ENOX1: variants seen among roughly 807,000 people sequenced by gnomAD.
The protein encoded by ENOX1 is ecto-NOX disulfide-thiol exchanger 1, also known as candidate growth-related and time keeping constitutive hydroquinone (NADH) oxidase.
ENOX1 carries 42 observed loss-of-function variants against 82.5 expected under a neutral mutation model. The ratio of observed to expected loss-of-function variants is 0.51; its 90% CI spans 0.40 to 0.66. The LOEUF is 0.66. ENOX1 is among the 30% of genes least tolerant of loss of function. The pLI, the probability that ENOX1 is intolerant of heterozygous loss-of-function variation, is 0.00. For missense variants in ENOX1, 608 were observed against 811.6 expected (o/e 0.75, Z 3.05); for synonymous variants, 271 against 282.2 (o/e 0.96, Z 0.40).
chr13:43,730,269 C>T (rs1281934616), intron 1 of ENOX1, among the ~76,000 whole-genome samples: 3 of 152,186 alleles, frequency 2.0e-5, no homozygotes, highest in African/African-American at 7.2e-5. Context: ...CACACCAGAG[C>T]ACTATTTATG....
intron 2 of ENOX1, among the ~76,000 whole-genome samples, chr13:43,521,708 T>C (rs2077777142): frequency 6.6e-6 from 1 of 152,112 alleles, no homozygotes. Context: ...CTACTGAAAA[T>C]ATAAATGTTC....
At chr13:43,271,099 AT>A (rs1304401129) in intron 12 of ENOX1, among the ~76,000 whole-genome samples, 1 of 152,206 alleles carries the variant, frequency 6.6e-6, no homozygotes, top group African/African-American at 2.4e-5. Flanking sequence ...TCATGAGACG[AT>A]TTCAAATCCA....
At chr13:43,452,344 T>G (rs1456394939) in intron 3 of ENOX1, among the ~76,000 whole-genome samples, 2 of 152,150 alleles carry the variant, frequency 1.3e-5, no homozygotes, top group African/African-American at 4.8e-5. Flanking sequence ...ATTGTTCAAC[T>G]CCCACTTATG....
intron 3 of ENOX1, among the ~76,000 whole-genome samples, chr13:43,462,596 T>C (rs1201288764): frequency 6.6e-6 from 1 of 152,238 alleles, no homozygotes; most frequent in African/African-American, 2.4e-5. Flanking sequence ...TAATTCTGAG[T>C]AGTTATTACT....
At chr13:43,708,817 T>G (rs573738707) in intron 1 of ENOX1, among the ~76,000 whole-genome samples, 2 of 152,088 alleles carry the variant, frequency 1.3e-5, no homozygotes, top group Non-Finnish European at 2.9e-5. Flanking sequence ...TTTATGACAT[T>G]AGGATGGTAA....
intron 3 of ENOX1, among the ~76,000 whole-genome samples, chr13:43,457,594 A>AAATAACTAT (rs2153635367): frequency 6.6e-6 from 1 of 152,346 alleles, no homozygotes; most frequent in Admixed American, 6.5e-5. Flanking sequence ...AGACTGGCCC[A>AAATAACTAT]ACTAAATAAC....
At chr13:43,593,598 C>T (rs1227096358) in intron 2 of ENOX1, among the ~76,000 whole-genome samples, 1 of 151,472 alleles carries the variant, frequency 6.6e-6, no homozygotes, top group Non-Finnish European at 1.5e-5. Context: ...AACAAGGGCG[C>T]CCTCACCCCT....
intron 12 of ENOX1, among the ~76,000 whole-genome samples, chr13:43,277,613 A>G (rs1405324192): frequency 6.6e-6 from 1 of 152,220 alleles, no homozygotes; most frequent in East Asian, 1.9e-4. Flanking sequence ...GAGCTGAAGG[A>G]TGCACACTGT....
chr13:43,518,465 C>G (rs1386994139), intron 2 of ENOX1, among the ~76,000 whole-genome samples: 1 of 151,904 alleles, frequency 6.6e-6, no homozygotes, highest in East Asian at 1.9e-4. Context: ...GCATCAAGAG[C>G]TCAGGGGAGG....
intron 14 of ENOX1, among the ~76,000 whole-genome samples, chr13:43,241,393 T>C (rs2042824101): frequency 6.6e-6 from 1 of 151,904 alleles, no homozygotes; most frequent in Non-Finnish European, 1.5e-5. Context: ...AAAGTAGAAG[T>C]GAGTGAGTGG....
intron 1 of ENOX1, among the ~76,000 whole-genome samples, chr13:43,752,267 T>A (rs1950364255): frequency 6.6e-6 from 1 of 152,184 alleles, no homozygotes; most frequent in Non-Finnish European, 1.5e-5. Flanking sequence ...AATTTATATA[T>A]TTTGAGTATT....
At position 43,764,530 on chromosome 13, in the gene ENOX1, G is replaced by A. The variant is rs554722429; in HGVS notation, c.-285+22122C>T. Among the ~76,000 whole-genome samples, 5 of 152,220 alleles carry A rather than the reference G, an allele frequency of 3.3e-5. No homozygotes were observed. The South Asian group carries it at 1.0e-3, about 32-fold the overall frequency. ...AGCAACATTTACTGTGAAATGTAAA[G>A]GCAGATAACAGCTGATTTGAAAGGG... On this transcript the variant is annotated intron_variant, in intron 1 of 16. Coordinates refer to ENST00000690772, the MANE Select transcript of ENOX1 (RefSeq NM_001347969.2).
intron 5 of ENOX1, among the ~76,000 whole-genome samples, chr13:43,409,753 TA>T (rs1166578785): frequency 1.3e-5 from 2 of 152,142 alleles, no homozygotes; most frequent in Non-Finnish European, 2.9e-5. Context: ...GATAAGATGT[TA>T]AAAATGCATA....
intron 1 of ENOX1, among the ~76,000 whole-genome samples, chr13:43,773,766 T>G (rs1421711195): frequency 6.6e-6 from 1 of 152,232 alleles, no homozygotes; most frequent in Non-Finnish European, 1.5e-5. Context: ...ATCTGTTTGA[T>G]GTATTTTCCA....
chr13:43,492,118 G>A (rs547180823), intron 2 of ENOX1, among the ~76,000 whole-genome samples: 3 of 152,280 alleles, frequency 2.0e-5, no homozygotes, highest in South Asian at 2.1e-4. Context: ...ACCCTATGGC[G>A]AGGCCCATTT....
chr13:43,246,983 T>G (rs1034259290), intron 14 of ENOX1, among the ~76,000 whole-genome samples: 13 of 152,190 alleles, frequency 8.5e-5, no homozygotes, highest in African/African-American at 3.1e-4. Context: ...TCTACACAGC[T>G]AGCAGAATAT....
intron 3 of ENOX1, among the ~76,000 whole-genome samples, chr13:43,455,961 A>G (rs562418657): frequency 6.6e-6 from 1 of 152,134 alleles, no homozygotes; most frequent in Non-Finnish European, 1.5e-5. Flanking sequence ...AAATTACTCA[A>G]TCTTGGGTGT....
chr13:43,732,314 C>T (rs2089394376), intron 1 of ENOX1, among the ~76,000 whole-genome samples: 2 of 152,148 alleles, frequency 1.3e-5, no homozygotes, highest in East Asian at 1.9e-4. Context: ...CTCCTTATGA[C>T]AAAGCATGCA....
In ENOX1 at chr13:43,276,002, G is replaced by A. The variant is rs533596586; in HGVS notation, c.1447-6425C>T. 5.9e-3 allele frequency among the ~76,000 whole-genome samples: 896 copies of A among 152,252 alleles called. 5 individuals are homozygous for A. The highest frequency in any genetic ancestry group is 9.4e-3 in the Non-Finnish European group (642 of 68,016). The stretch of plus-strand genomic sequence containing the variant: ...TGGAAATGAGCCACTGAATATTCAC[G>A]ATAATCTGGGAATATTTGAACCCAC... On this transcript the variant is annotated intron_variant, in intron 12 of 16. Transcript: ENST00000690772.
Sources: allele counts gnomAD v4.1 joint callset (sites outside exome capture counted in the v4.1 genomes callset), GRCh38; gene constraint gnomAD v4.1.1; transcripts MANE v1.5; gene names NCBI Gene and HGNC (gene_info 2026-07-23, HGNC 2026-07-21).